The following WBP2NL variants were observed in gnomAD, a reference collection of about 807,000 sequenced individuals.
The protein encoded by WBP2NL is WBP2 N-terminal like.
A neutral mutation model predicts 23.3 loss-of-function variants in WBP2NL; 27 were observed. That is an observed-to-expected ratio of 1.16 (90% CI 0.85 to 1.60). WBP2NL has a LOEUF of 1.60. Among genes scored for constraint, WBP2NL ranks in the 40% most tolerant of loss-of-function variants. The pLI is 0.00. For synonymous variants in WBP2NL, 151 were observed against 145.9 expected (o/e 1.03, Z -0.25); for missense variants, 370 against 389.5 (o/e 0.95, Z 0.42).
chr22:42,049,692 AAACAAAACAAAAC>A lies in WBP2NL; in HGVS notation c.*274-8595_*274-8583del, dbSNP rs1227830694. Among the ~76,000 whole-genome samples, 20 of 56,872 alleles carry A rather than the reference AAACAAAACAAAAC, an allele frequency of 3.5e-4. 1 individual carries two copies. Among genetic ancestry groups the A allele is most frequent in the African/African-American group, 3.1e-3 (18 of 5,886 alleles). The allele number at this position is 56,872 out of a possible 152,430, so 37.3% of individuals were successfully genotyped here. On this transcript the variant is annotated intron_variant and NMD_transcript_variant, in intron 8 of 8. Coordinates refer to the WBP2NL transcript ENST00000436265. The stretch of plus-strand genomic sequence containing the variant: ...GTGACAGAGCGAGACTCCGTCTCCA[AAACAAAACAAAAC>A]AAAAAAAAAAAAAAAAAAAAAAAAA...
At chr22:42,037,513 A>T (rs1278747210), downstream of WBP2NL, among the ~76,000 whole-genome samples, 1 of 151,928 alleles carries the variant, frequency 6.6e-6, no homozygotes, top group African/African-American at 2.4e-5. Flanking sequence ...TAGGGATTGC[A>T]TTGAATCTGT....
intron 4 of WBP2NL, among the ~76,000 whole-genome samples, chr22:42,020,848 ATATATG>A (rs1923828111): frequency 6.4e-5 from 2 of 31,326 alleles, no homozygotes; most frequent in Admixed American, 3.8e-4. Context: ...TTTTTATCTC[ATATATG>A]TGTGTGTGTG....
rs1158837575 is a variant in WBP2NL, at chr22:42,049,705, CAA to C, written c.*274-8560_*274-8559del. On this transcript the variant is annotated intron_variant and NMD_transcript_variant, in intron 8 of 8. Transcript: ENST00000436265. ...ACTCCGTCTCCAAAACAAAACAAAA[CAA>C]AAAAAAAAAAAAAAAAAAAAAAAAT... Among the ~76,000 whole-genome samples, 137 of 37,480 alleles carry C rather than the reference CAA, an allele frequency of 3.7e-3. 3 individuals carry two copies. The highest frequency in any genetic ancestry group is 9.2e-3 in the African/African-American group (96 of 10,490). The allele number at this position is 37,480 out of a possible 152,430, so 24.6% of individuals were successfully genotyped here.
At chr22:42,046,389 A>G (rs1825091805) in intron 8 of WBP2NL, among the ~76,000 whole-genome samples, 1 of 152,254 alleles carries the variant, frequency 6.6e-6, no homozygotes, top group Non-Finnish European at 1.5e-5. Flanking sequence ...TTAGAAAATT[A>G]GGTTAATAAT....
intron 8 of WBP2NL, among the ~76,000 whole-genome samples, chr22:42,049,550 C>T (rs1371284379): frequency 6.6e-6 from 1 of 151,556 alleles, no homozygotes; most frequent in African/African-American, 2.4e-5. Context: ...ATTAGCCGGG[C>T]GTGGTGGCGG....
intron 1 of WBP2NL, among the ~76,000 whole-genome samples, chr22:42,012,308 G>A (rs1376684046): frequency 2.6e-5 from 4 of 151,740 alleles, no homozygotes; most frequent in Non-Finnish European, 4.4e-5. Flanking sequence ...TTAGGTTGTC[G>A]ATTTGAGATC....
intron 1 of WBP2NL, among the ~76,000 whole-genome samples, chr22:42,005,386 T>C (rs935117634): frequency 3.3e-5 from 5 of 151,982 alleles, no homozygotes; most frequent in African/African-American, 1.2e-4. Context: ...TGGTGGTGGG[T>C]TCCTGTAATC....
chr22:41,998,955 T>C (rs747620794), intron 1 of WBP2NL, 75 bp downstream of exon 1: 5 of 1,503,266 alleles, frequency 3.3e-6, no homozygotes, highest in Non-Finnish European at 4.5e-6. Flanking sequence ...TCGCAAACTC[T>C]CAGCGAGTCA....
At chr22:42,045,973 T>C (rs1925571888) in intron 8 of WBP2NL, among the ~76,000 whole-genome samples, 1 of 152,242 alleles carries the variant, frequency 6.6e-6, no homozygotes, top group Admixed American at 6.5e-5. Context: ...TTTATAGGTA[T>C]GGGTTTTTTC....
chr22:42,001,035 C>A lies in WBP2NL; in HGVS notation c.62+2155C>A, dbSNP rs181615219. 2.2e-3 allele frequency: 1,525 copies of A among 708,336 alleles called. 42 individuals carry two copies. The Admixed American group carries it at 0.031, about 15-fold the overall frequency. The allele number at this position is 708,336 out of a possible 1,614,324, so 43.9% of individuals were successfully genotyped here. A position where few individuals can be genotyped will look rare whatever the true frequency, so the allele number is the denominator to read the frequency against. On this transcript the variant is annotated intron_variant, in intron 1 of 5. Coordinates refer to ENST00000328823, the MANE Select transcript of WBP2NL (RefSeq NM_152613.3). ...AAGATATGTCATATAATACAACATG[C>A]CTGTTCAAAGGGGGAAAAATCTTAG...
At chr22:42,054,132 T>C (rs750859649) in intron 8 of WBP2NL, among the ~76,000 whole-genome samples, 23 of 151,988 alleles carry the variant, frequency 1.5e-4, no homozygotes, top group Non-Finnish European at 3.1e-4. Flanking sequence ...CACAGAAAAG[T>C]TTTGAATTTT....
intron 8 of WBP2NL, among the ~76,000 whole-genome samples, chr22:42,046,287 T>A (rs1382601027): frequency 1.3e-5 from 2 of 152,240 alleles, no homozygotes; most frequent in Non-Finnish European, 2.9e-5. Flanking sequence ...ACCAAAAATC[T>A]TTACTGTTTC....
At chr22:42,023,975 A>T (rs939800253) in intron 5 of WBP2NL, among the ~76,000 whole-genome samples, 4 of 152,136 alleles carry the variant, frequency 2.6e-5, no homozygotes, top group Non-Finnish European at 5.9e-5. Context: ...CCTAATAGCC[A>T]CTAAGAAGTT....
intron 5 of WBP2NL, among the ~76,000 whole-genome samples, chr22:42,023,189 G>GT (rs133343): frequency 0.31 from 46,015 of 149,704 alleles, 7,894 homozygotes; most frequent in African/African-American, 0.43. Flanking sequence ...AAAAAGTGGT[G>GT]TTTTTTTTTT....
chr22:41,999,204 C>G (rs963819088), intron 1 of WBP2NL, among the ~76,000 whole-genome samples: 8 of 152,216 alleles, frequency 5.3e-5, no homozygotes, highest in African/African-American at 1.9e-4. Flanking sequence ...GAAGAGAGGC[C>G]GGAGCTGACC....
Position 42,042,648 on chromosome 22 carries a change from T to C in WBP2NL, c.*273+11825T>C, listed in dbSNP as rs941692113. 7.2e-5 allele frequency among the ~76,000 whole-genome samples: 11 copies of C among 152,350 alleles called. No homozygotes were observed. The East Asian group carries it at 1.3e-3, about 19-fold the overall frequency. On this transcript the variant is annotated intron_variant and NMD_transcript_variant, in intron 8 of 8. Coordinates refer to the WBP2NL transcript ENST00000436265. ...TGTGAATTTTTTATCAGGCGGTTCA[T>C]GGATATCCATCTCTTTGGATTATTT...
intron 8 of WBP2NL, among the ~76,000 whole-genome samples, chr22:42,049,527 A>G (rs1286985108): frequency 6.6e-6 from 1 of 151,762 alleles, no homozygotes; most frequent in African/African-American, 2.4e-5. Context: ...CGTCTCTACT[A>G]AAAATACAAA....
chr22:42,023,770 C>T (rs1200087764), intron 5 of WBP2NL, among the ~76,000 whole-genome samples: 1 of 152,072 alleles, frequency 6.6e-6, no homozygotes, highest in Non-Finnish European at 1.5e-5. Flanking sequence ...GCTGGGATTA[C>T]AGGCTTGAGC....
downstream of WBP2NL, among the ~76,000 whole-genome samples, chr22:42,035,532 T>G (rs932937902): frequency 1.1e-4 from 17 of 152,260 alleles, no homozygotes; most frequent in African/African-American, 3.9e-4. Flanking sequence ...TGGCCATGCC[T>G]AGTTGCTGCA....
Sources: gnomAD v4.1 joint callset for allele counts (sites outside exome capture counted in the v4.1 genomes callset) on GRCh38, gnomAD v4.1.1 for gene constraint, MANE v1.5 for transcripts, NCBI Gene and HGNC (gene_info 2026-07-23, HGNC 2026-07-21) for gene names.